WDR7: variants seen among roughly 807,000 people sequenced by gnomAD.
WDR7 encodes WD repeat domain 7.
In WDR7, 46 loss-of-function variants were observed where a neutral mutation model predicts 169.4. The observed-to-expected ratio is 0.27, with a 90% CI of 0.21 to 0.35. The LOEUF is 0.35. Ranked by LOEUF, WDR7 falls within the 10% of genes least tolerant of loss-of-function variation. The probability of loss-of-function intolerance (pLI) is 1.00; values close to 1 mark genes in which losing one functional copy is unlikely to be tolerated. For synonymous variants in WDR7, 612 were observed against 666.8 expected (o/e 0.92, Z 1.27); for missense variants, 1,534 against 1,859.3 (o/e 0.83, Z 3.22).
intron 21 of WDR7, among the ~76,000 whole-genome samples, chr18:56,922,002 G>A (rs2046730156): frequency 1.3e-5 from 2 of 152,082 alleles, no homozygotes; most frequent in South Asian, 4.1e-4. Flanking sequence ...ACCTCCTTTT[G>A]CAATATTTAG....
chr18:56,890,180 G>A (rs2046245875), intron 21 of WDR7, among the ~76,000 whole-genome samples: 1 of 152,130 alleles, frequency 6.6e-6, no homozygotes, highest in African/African-American at 2.4e-5. Flanking sequence ...TATAGTTACA[G>A]ATTAGTTCAG....
chr18:56,668,804 T>G (rs946153367), intron 1 of WDR7, among the ~76,000 whole-genome samples: 2 of 152,166 alleles, frequency 1.3e-5, no homozygotes, highest in South Asian at 2.1e-4. Flanking sequence ...ATGAAAGGTA[T>G]TAACCTGTTG....
intron 19 of WDR7, among the ~76,000 whole-genome samples, chr18:56,790,527 A>G (rs922586939): frequency 1.1e-4 from 16 of 152,122 alleles, no homozygotes; most frequent in Non-Finnish European, 2.9e-5. Context: ...TACCTGTAAT[A>G]TTTTTATTAT....
At chr18:56,972,971 C>A (rs1289506299) in intron 26 of WDR7, among the ~76,000 whole-genome samples, 1 of 152,154 alleles carries the variant, frequency 6.6e-6, no homozygotes, top group African/African-American at 2.4e-5. Flanking sequence ...TCAAGGGATT[C>A]TCCTGCCTCA....
At chr18:56,823,944 T>C (rs143626606) in intron 20 of WDR7, among the ~76,000 whole-genome samples, 203 of 152,310 alleles carry the variant, frequency 1.3e-3, no homozygotes, top group African/African-American at 4.6e-3. Flanking sequence ...ATGTCTTCCA[T>C]GACTCTGAGA....
At chr18:56,835,626 T>A (rs1347909349) in intron 20 of WDR7, among the ~76,000 whole-genome samples, 1 of 152,212 alleles carries the variant, frequency 6.6e-6, no homozygotes, top group African/African-American at 2.4e-5. Context: ...CTCAACAGTA[T>A]GTGAAACTCA....
chr18:56,826,347 A>G (rs1029867461), intron 20 of WDR7, among the ~76,000 whole-genome samples: 1 of 124,634 alleles, frequency 8.0e-6, no homozygotes, highest in African/African-American at 2.6e-5. Context: ...TACTGTGCAA[A>G]CCATGTTAAA....
Position 57,005,781 on chromosome 18 carries a change from T to C in WDR7, c.4165-14964T>C, listed in dbSNP as rs112366904. Among the ~76,000 whole-genome samples, 811 of 152,278 alleles carry C rather than the reference T, an allele frequency of 5.3e-3. 6 individuals are homozygous for C. The highest frequency in any genetic ancestry group is 0.019 in the African/African-American group (774 of 41,560). The stretch of plus-strand genomic sequence containing the variant: ...GAAGAATTGTCTTGGTCCACACACA[T>C]AAAATATACTAACACTAATGCTAGC... On this transcript the variant is annotated intron_variant, in intron 26 of 27. Transcript: ENST00000254442.
At chr18:56,987,837 G>A (rs1045339762) in intron 26 of WDR7, among the ~76,000 whole-genome samples, 1 of 152,092 alleles carries the variant, frequency 6.6e-6, no homozygotes, top group African/African-American at 2.4e-5. Context: ...TCCTATGCTT[G>A]GATTATGATG....
At chr18:56,913,028 C>T (rs1302304626) in intron 21 of WDR7, among the ~76,000 whole-genome samples, 2 of 151,902 alleles carry the variant, frequency 1.3e-5, no homozygotes, top group Non-Finnish European at 2.9e-5. Context: ...GTACACACAC[C>T]ATGCCTAATT....
At chr18:56,773,419 T>C (rs2044194438) in intron 16 of WDR7, among the ~76,000 whole-genome samples, 1 of 152,148 alleles carries the variant, frequency 6.6e-6, no homozygotes, top group African/African-American at 2.4e-5. Flanking sequence ...AATGTATTGG[T>C]ATAGCTTTTT....
At chr18:56,843,088 A>T (rs2045511969) in intron 20 of WDR7, among the ~76,000 whole-genome samples, 1 of 152,192 alleles carries the variant, frequency 6.6e-6, no homozygotes. Context: ...AAAGAAGTAA[A>T]TGAATTTTGA....
rs200622673 is a variant in WDR7, at chr18:56,809,631, TA to T, written c.3191-6399del. ...TGCAAGGATATTTCATTTTCTTTGGTAGTGGATAGTACACAAAGGCTAAGCT... is the reference window on the plus strand; with the variant it reads ...TGCAAGGATATTTCATTTTCTTTGGTGTGGATAGTACACAAAGGCTAAGCT... On this transcript the variant is annotated intron_variant, in intron 19 of 27. Coordinates refer to ENST00000254442, the MANE Select transcript of WDR7 (RefSeq NM_015285.3). Among the ~76,000 whole-genome samples, 1,236 of 152,176 alleles carry T rather than the reference TA, an allele frequency of 8.1e-3. 19 individuals are homozygous for T. The highest frequency in any genetic ancestry group is 0.026 in the African/African-American group (1,084 of 41,534).
chr18:56,694,661 A>G lies in WDR7; in HGVS notation c.1009A>G (p.Arg337Gly). 1.2e-6 allele frequency: 2 copies of G among 1,613,028 alleles called. No homozygotes were observed. The highest frequency in any genetic ancestry group is 1.1e-5 in the South Asian group (1 of 90,898). ...PPVTRFFYGCREYFHKLLIQG... is the reference protein window; with the variant it reads ...PPVTRFFYGCGEYFHKLLIQG... ...TGTTACTCGGTTCTTCTATGGATGC[A>G]GAGAATATTTCCATAAACTGTTAAT... Residue 337 changes from arginine (R) to glycine (G), a missense_variant, in exon 10 of 28, where the codon AGA (arginine) becomes GGA (glycine). Coordinates refer to ENST00000254442, the MANE Select transcript of WDR7 (RefSeq NM_015285.3).
chr18:56,960,176 A>G (rs1305909887), intron 25 of WDR7, among the ~76,000 whole-genome samples: 1 of 152,218 alleles, frequency 6.6e-6, no homozygotes, highest in East Asian at 1.9e-4. Context: ...TGGTCCTTTC[A>G]GGAAAAGTAA....
intron 20 of WDR7, among the ~76,000 whole-genome samples, chr18:56,865,900 T>C (rs560515855): frequency 2.0e-5 from 3 of 152,312 alleles, no homozygotes; most frequent in East Asian, 3.9e-4. Flanking sequence ...TTAGATACCA[T>C]GGTCCAAAAC....
chr18:56,919,289 C>A (rs115446343), intron 21 of WDR7, among the ~76,000 whole-genome samples: 313 of 152,300 alleles, frequency 2.1e-3, no homozygotes, highest in African/African-American at 7.1e-3. Context: ...CTGGACTTAA[C>A]TGACACATGT....
At chr18:56,768,754 T>C (rs867615675) in intron 16 of WDR7, among the ~76,000 whole-genome samples, 5 of 152,230 alleles carry the variant, frequency 3.3e-5, no homozygotes, top group Admixed American at 6.5e-5. Flanking sequence ...TGACTTACAA[T>C]GTCTTTTTAA....
chr18:56,996,639 T>C (rs2047903190), intron 26 of WDR7, among the ~76,000 whole-genome samples: 1 of 151,866 alleles, frequency 6.6e-6, no homozygotes, highest in African/African-American at 2.4e-5. Flanking sequence ...TGTTTTCCTT[T>C]CAACTTTGAG....
Sources: allele counts gnomAD v4.1 joint callset (sites outside exome capture counted in the v4.1 genomes callset), GRCh38; gene constraint gnomAD v4.1.1; transcripts MANE v1.5; gene names NCBI Gene and HGNC (gene_info 2026-07-23, HGNC 2026-07-21).